Variants in TTC8 observed in about 807,000 individuals in gnomAD.
TTC8 encodes tetratricopeptide repeat domain 8.
A neutral mutation model predicts 72.5 loss-of-function variants in TTC8; 47 were observed. That is an observed-to-expected ratio of 0.65 (90% confidence interval 0.51 to 0.83). The LOEUF (loss-of-function observed/expected upper bound fraction) is 0.83, where lower values mean the gene tolerates loss of function less well. TTC8 is among the 40% of genes least tolerant of loss of function. The pLI, the probability that TTC8 is intolerant of heterozygous loss-of-function variation, is 0.00. For missense variants in TTC8, 611 were observed against 623.2 expected, an observed-to-expected ratio of 0.98 and a Z score of 0.21; for synonymous variants, 199 against 221.4, an observed-to-expected ratio of 0.90 and a Z score of 0.90.
intron 10 of TTC8, among the ~76,000 whole-genome samples, chr14:88,862,588 AT>A (rs2094892492): frequency 2.7e-5 from 2 of 74,138 alleles, no homozygotes; most frequent in Non-Finnish European, 5.1e-5. Context: ...ATATATATAT[AT>A]ATATATATTT....
intron 7 of TTC8, 110 bp downstream of exon 7, chr14:88,843,960 G>A: frequency 1.2e-6 from 1 of 827,864 alleles, no homozygotes; most frequent in Non-Finnish European, 1.9e-6. Context: ...AATTATTAAA[G>A]ATTGGAGAAC....
chr14:88,855,209 A>C (rs1384098940), intron 8 of TTC8, among the ~76,000 whole-genome samples: 1 of 152,152 alleles, frequency 6.6e-6, no homozygotes, highest in African/African-American at 2.4e-5. Context: ...AATATGATTA[A>C]ATTTATTTGT....
Position 88,875,065 on chromosome 14 carries a change from C to T in TTC8, c.1387C>T (p.His463Tyr). 6.2e-7 allele frequency: 1 copy of T among 1,612,898 alleles called. No homozygotes were observed. Among genetic ancestry groups the T allele is most frequent in the East Asian group, 2.2e-5 (1 of 44,758 alleles). Reference protein sequence around the residue: ...LLQTASSLAPHMYEPHFNFAT... With the variant: ...LLQTASSLAPYMYEPHFNFAT... ...ACAAACTGCATCATCATTAGCACCCCATATGTATGAACCGCATTTTAATTT... is the reference window on the plus strand; with the variant it reads ...ACAAACTGCATCATCATTAGCACCCTATATGTATGAACCGCATTTTAATTT... The change falls in exon 14 of 15, where the codon CAT (histidine) becomes TAT (tyrosine). Residue 463 changes from histidine (H) to tyrosine (Y), a missense_variant. Transcript: ENST00000380656.
rs2094937405 is a variant in TTC8 at position 88,872,253 on chromosome 14, G to A, written c.1225-77G>A. On this transcript the variant is annotated intron_variant, in intron 12 of 14. Coordinates refer to ENST00000380656, the MANE Select transcript of TTC8 (RefSeq NM_144596.4). ...ACTTGATGCTTTTTGTCTGGTAGCAGAAGAGATACCTATGAGGAAAGAAGG... is the reference window on the plus strand; with the variant it reads ...ACTTGATGCTTTTTGTCTGGTAGCAAAAGAGATACCTATGAGGAAAGAAGG... 2.5e-6 allele frequency: 4 copies of A among 1,595,274 alleles called. No homozygotes were observed. The East Asian group carries it at 9.0e-5, about 36-fold the overall frequency.
In TTC8 at chr14:88,833,830, TA is replaced by T. The variant is rs1595931997; in HGVS notation, c.144+112del. ...TGCTGCATATCTTCCTGTGGGTTTATAAAATTAGCCATATCTGTCAGACATT... is the reference window on the plus strand; with the variant it reads ...TGCTGCATATCTTCCTGTGGGTTTATAAATTAGCCATATCTGTCAGACATT... On this transcript the variant is annotated intron_variant, in intron 2 of 14. Coordinates refer to ENST00000380656, the MANE Select transcript of TTC8 (RefSeq NM_144596.4). 5.2e-6 allele frequency: 5 copies of T among 963,714 alleles called. No individual in the cohort carries two copies. In the East Asian group the frequency reaches 1.2e-4, roughly 24 times the overall value. The allele number at this position is 963,714 out of a possible 1,614,324, so 59.7% of individuals were successfully genotyped here. A position where few individuals can be genotyped will look rare whatever the true frequency, so the allele number is the denominator to read the frequency against.
chr14:88,859,371 A>G (rs2094872928), intron 9 of TTC8, among the ~76,000 whole-genome samples: 1 of 152,190 alleles, frequency 6.6e-6, no homozygotes, highest in Admixed American at 6.5e-5. Context: ...TTGCAGGAAC[A>G]TGGATGGAGC....
At position 88,877,842 on chromosome 14, in the gene TTC8, T is replaced by C. The variant is rs1315670145; in HGVS notation, c.*432T>C. 2.0e-5 allele frequency: 3 copies of C among 153,530 alleles called. No homozygotes were observed. Among genetic ancestry groups the C allele is most frequent in the African/African-American group, 7.2e-5 (3 of 41,464 alleles). 9.5% of individuals were successfully genotyped at this position (153,530 alleles called of 1,614,324 possible). A position where few individuals can be genotyped will look rare whatever the true frequency, so the allele number is the denominator to read the frequency against. On this transcript the variant is annotated 3_prime_UTR_variant, in exon 15 of 15. Coordinates refer to ENST00000380656, the MANE Select transcript of TTC8 (RefSeq NM_144596.4). Reference sequence around the variant, plus strand: ...AGCCAGGTGTGGTAGCATGTGCCTATAGTCCCAGCTACTTGGGAGGTGGAG... The same window carrying C: ...AGCCAGGTGTGGTAGCATGTGCCTACAGTCCCAGCTACTTGGGAGGTGGAG...
chr14:88,876,686 A>G (rs984259405), intron 14 of TTC8, among the ~76,000 whole-genome samples: 2 of 152,198 alleles, frequency 1.3e-5, no homozygotes, highest in African/African-American at 4.8e-5. Flanking sequence ...TTGGGAATTA[A>G]TATAAAGTTC....
At chr14:88,842,859 G>A (rs1467476997) in intron 6 of TTC8, among the ~76,000 whole-genome samples, 1 of 152,066 alleles carries the variant, frequency 6.6e-6, no homozygotes, top group Non-Finnish European at 1.5e-5. Flanking sequence ...CTTTGATGCT[G>A]TAACGTCATT....
chr14:88,824,915 AG>A, intron 1 of TTC8, 94 bp downstream of exon 1: 1 of 1,227,344 alleles, frequency 8.1e-7, no homozygotes, highest in Non-Finnish European at 1.2e-6. Flanking sequence ...CCGGGGAGGA[AG>A]GCCCGAGGCG....
chr14:88,841,764 G>A (rs2094782877), intron 6 of TTC8, among the ~76,000 whole-genome samples: 1 of 152,162 alleles, frequency 6.6e-6, no homozygotes, highest in South Asian at 2.1e-4. Flanking sequence ...TTGTAACAAA[G>A]AAAGCAGGTA....
At chr14:88,842,844 A>G in intron 6 of TTC8, among the ~76,000 whole-genome samples, 1 of 152,174 alleles carries the variant, frequency 6.6e-6, no homozygotes, top group Non-Finnish European at 1.5e-5. Context: ...ACTCTATGAC[A>G]CTGTCTTTGA....
chr14:88,843,302 G>A (rs1025088686), intron 6 of TTC8, among the ~76,000 whole-genome samples: 5 of 152,176 alleles, frequency 3.3e-5, no homozygotes, highest in African/African-American at 7.2e-5. Flanking sequence ...GCTTAGCTGA[G>A]TAGCACCCTG....
At chr14:88,857,667 A>G (rs777526415) in intron 9 of TTC8, among the ~76,000 whole-genome samples, 3 of 152,182 alleles carry the variant, frequency 2.0e-5, no homozygotes, top group Non-Finnish European at 4.4e-5. Context: ...GCTGAGGCAT[A>G]ATAATAAAAA....
At chr14:88,852,612 C>T (rs1231701555) in intron 7 of TTC8, among the ~76,000 whole-genome samples, 9 of 152,088 alleles carry the variant, frequency 5.9e-5, no homozygotes, top group Admixed American at 5.9e-4. Flanking sequence ...TTGACTGCCA[C>T]GGAGTTTGGA....
intron 10 of TTC8, 53 bp from the exon 11 acceptor site, chr14:88,870,006 A>T (rs901463488): frequency 2.6e-5 from 42 of 1,592,194 alleles, no homozygotes; most frequent in Middle Eastern, 3.3e-4. Context: ...GAAAAAAATA[A>T]TTTTTTGTCC....
At chr14:88,824,945 T>A (rs1293767034) in intron 1 of TTC8, 124 bp downstream of exon 1, 2 of 896,104 alleles carry the variant, frequency 2.2e-6, no homozygotes, top group East Asian at 2.6e-5. Context: ...CGTTCGGCCC[T>A]CGGAGGCGCC....
rs780196288 is a variant in TTC8, at chr14:88,824,772, T to C, written c.65T>C (p.Leu22Pro). The C allele has an allele frequency of 1.2e-6, 2 of 1,613,234 alleles. No individual in the cohort carries two copies. The highest frequency in any genetic ancestry group is 1.7e-6 in the Non-Finnish European group (2 of 1,179,776). The part of the protein sequence containing the change: ...WSYFRRRKFQ[L>P]CADLCTQMLE... The stretch of plus-strand genomic sequence containing the variant: ...TATTTTAGGCGCAGGAAGTTCCAGC[T>C]CTGCGCCGATCTATGCACGCAGATG... Residue 22 changes from leucine to proline, a missense_variant, in exon 1 of 15, where the codon CTC (leucine) becomes CCC (proline). Coordinates refer to ENST00000380656, the MANE Select transcript of TTC8 (RefSeq NM_144596.4).
chr14:88,824,594 G>C (rs2094689248), upstream of TTC8: 5 of 803,574 alleles, frequency 6.2e-6, no homozygotes, highest in East Asian at 2.7e-5. Flanking sequence ...GGCACCTCTC[G>C]GACAAGGCCC....
Sources: allele counts gnomAD v4.1 joint callset (sites outside exome capture counted in the v4.1 genomes callset), GRCh38; gene constraint gnomAD v4.1.1; transcripts MANE v1.5; gene names NCBI Gene and HGNC (gene_info 2026-07-23, HGNC 2026-07-21).